Variants in SORCS1 observed in about 807,000 individuals in gnomAD.
SORCS1 encodes VPS10 domain-containing receptor SorCS1.
In SORCS1, 60 loss-of-function variants were observed where a neutral mutation model predicts 146.1. The observed-to-expected ratio is 0.41, with a 90% CI of 0.33 to 0.51. The LOEUF (loss-of-function observed/expected upper bound fraction) is 0.51, where lower values mean the gene tolerates loss of function less well. Ranked by LOEUF, SORCS1 falls within the 20% of genes least tolerant of loss-of-function variation. The pLI, the probability that SORCS1 is intolerant of heterozygous loss-of-function variation, is 0.21. For synonymous variants in SORCS1, 637 were observed against 584.0 expected (o/e 1.09, Z -1.31); for missense variants, 1,352 against 1,487.6 (o/e 0.91, Z 1.50).
intron 1 of SORCS1, among the ~76,000 whole-genome samples, chr10:107,027,357 T>A (rs920759572): frequency 8.6e-5 from 13 of 151,984 alleles, no homozygotes; most frequent in Non-Finnish European, 1.3e-4. Context: ...AATGTCCCCA[T>A]CCGAGCATCC....
At chr10:106,578,979 C>T in intron 25 of SORCS1, 1 of 1,463,840 alleles carries the variant, frequency 6.8e-7, no homozygotes, top group South Asian at 1.4e-5. Context: ...CTGTTTCTCT[C>T]AGGGGTGTTA....
chr10:106,906,022 G>A (rs750328517), intron 2 of SORCS1, among the ~76,000 whole-genome samples: 16 of 151,964 alleles, frequency 1.1e-4, no homozygotes, highest in Non-Finnish European at 2.4e-4. Flanking sequence ...TCATCCTTTG[G>A]GAAAACTTTT....
rs187791498 is a variant in SORCS1 at position 106,587,462 on chromosome 10, G to T, written c.3266-7988C>A. On this transcript the variant is annotated intron_variant, in intron 24 of 25. Coordinates refer to ENST00000263054, the MANE Select transcript of SORCS1 (RefSeq NM_052918.5). ...TAGTTTCTAAAACTTCTTGACGAAC[G>T]GTAATTCTCCCTTCAAGTGGAAAGT... 2.8e-4 allele frequency among the ~76,000 whole-genome samples: 42 copies of T among 152,298 alleles called. No homozygotes were observed. In the East Asian group the frequency reaches 5.8e-3, roughly 21 times the overall value.
At chr10:107,056,083 G>C (rs1198268952) in intron 1 of SORCS1, among the ~76,000 whole-genome samples, 2 of 152,176 alleles carry the variant, frequency 1.3e-5, no homozygotes, top group African/African-American at 4.8e-5. Flanking sequence ...GTTGTAGAAT[G>C]AGCTGCTTGT....
rs531502416 is a variant in SORCS1, at chr10:106,763,113, A to C, written c.886-1452T>G. Among the ~76,000 whole-genome samples the C allele has an allele frequency of 2.0e-5, 3 of 152,300 alleles. No homozygotes were observed. In the East Asian group the frequency reaches 5.8e-4, roughly 29 times the overall value. ...GATATTTAGTAACATACAAAAATTAATGCAAATGTAAAAGTATCAGGACAG... is the reference window on the plus strand; with the variant it reads ...GATATTTAGTAACATACAAAAATTACTGCAAATGTAAAAGTATCAGGACAG... On this transcript the variant is annotated intron_variant, in intron 4 of 25. Coordinates refer to ENST00000263054, the MANE Select transcript of SORCS1 (RefSeq NM_052918.5).
intron 14 of SORCS1, among the ~76,000 whole-genome samples, chr10:106,674,162 A>AAC (rs1444533880): frequency 6.6e-4 from 98 of 148,486 alleles, no homozygotes; most frequent in Non-Finnish European, 1.3e-3. Flanking sequence ...TAAAAAAAAA[A>AAC]AAAAAATTAT....
chr10:106,710,870 G>A (rs1291586312), intron 6 of SORCS1, among the ~76,000 whole-genome samples: 1 of 152,078 alleles, frequency 6.6e-6, no homozygotes, highest in Admixed American at 6.5e-5. Flanking sequence ...CTCTTCATTT[G>A]CATTCCCTCT....
chr10:106,781,435 T>C (rs1036600000), intron 3 of SORCS1, among the ~76,000 whole-genome samples: 8 of 152,192 alleles, frequency 5.3e-5, no homozygotes, highest in Admixed American at 3.9e-4. Flanking sequence ...TCTTTTGCTT[T>C]ACTCAGAGCT....
chr10:106,969,809 T>C (rs1022877609), intron 1 of SORCS1, among the ~76,000 whole-genome samples: 1 of 152,214 alleles, frequency 6.6e-6, no homozygotes, highest in South Asian at 2.1e-4. Flanking sequence ...ACTCCCAGCA[T>C]TCAAAGGAGC....
intron 2 of SORCS1, among the ~76,000 whole-genome samples, chr10:106,832,287 C>T (rs1264603468): frequency 6.7e-6 from 1 of 149,208 alleles, no homozygotes; most frequent in Non-Finnish European, 1.5e-5. Flanking sequence ...CTTCTGGGTT[C>T]GATCGATTCT....
At chr10:107,122,348 C>A (rs1275243512) in intron 1 of SORCS1, among the ~76,000 whole-genome samples, 1 of 152,100 alleles carries the variant, frequency 6.6e-6, no homozygotes, top group Non-Finnish European at 1.5e-5. Flanking sequence ...TTTTCCCATT[C>A]AAAAAGAGAA....
intron 1 of SORCS1, among the ~76,000 whole-genome samples, chr10:107,147,244 T>G (rs610785): frequency 0.19 from 28,200 of 152,166 alleles, 2,937 homozygotes; most frequent in East Asian, 0.34. Flanking sequence ...GTCCTCGTCA[T>G]TTTTCAAACG....
intron 1 of SORCS1, among the ~76,000 whole-genome samples, chr10:107,092,634 G>A (rs1035627956): frequency 1.3e-5 from 2 of 152,138 alleles, no homozygotes; most frequent in Non-Finnish European, 2.9e-5. Context: ...GATTAGCAAA[G>A]AACAGGCTTA....
At chr10:107,137,391 C>A (rs997894137) in intron 1 of SORCS1, among the ~76,000 whole-genome samples, 1 of 152,184 alleles carries the variant, frequency 6.6e-6, no homozygotes, top group Non-Finnish European at 1.5e-5. Context: ...TCTGCATCCT[C>A]CATCCCCGAC....
At chr10:106,807,342 A>C (rs1233399355) in intron 3 of SORCS1, among the ~76,000 whole-genome samples, 1 of 152,102 alleles carries the variant, frequency 6.6e-6, no homozygotes, top group Non-Finnish European at 1.5e-5. Flanking sequence ...GAAACTTGAA[A>C]CTTCTGTTTA....
chr10:107,073,879 T>G (rs1451287071), intron 1 of SORCS1, among the ~76,000 whole-genome samples: 1 of 152,168 alleles, frequency 6.6e-6, no homozygotes, highest in Admixed American at 6.6e-5. Flanking sequence ...GGACTTTTTT[T>G]TTTTAACATA....
At chr10:106,822,782 GTTTTTTT>G (rs1158921880) in intron 3 of SORCS1, among the ~76,000 whole-genome samples, 1 of 113,168 alleles carries the variant, frequency 8.8e-6, no homozygotes, top group Admixed American at 9.6e-5. Flanking sequence ...TTCATGTGTG[GTTTTTTT>G]TTTTTTTTTT....
chr10:107,031,716 TC>T (rs773078800), intron 1 of SORCS1, among the ~76,000 whole-genome samples: 2 of 151,838 alleles, frequency 1.3e-5, no homozygotes, highest in Non-Finnish European at 2.9e-5. Context: ...TAAACAGTCC[TC>T]CCTCCTCGCC....
At chr10:106,647,769 A>C (rs935864827) in intron 18 of SORCS1, among the ~76,000 whole-genome samples, 1 of 152,232 alleles carries the variant, frequency 6.6e-6, no homozygotes, top group African/African-American at 2.4e-5. Context: ...GTTTAGATAA[A>C]GACTTCTTAA....
Sources: allele counts gnomAD v4.1 joint callset (sites outside exome capture counted in the v4.1 genomes callset), GRCh38; gene constraint gnomAD v4.1.1; transcripts MANE v1.5; gene names NCBI Gene and HGNC (gene_info 2026-07-23, HGNC 2026-07-21).